The following CORIN variants were observed in gnomAD, a reference collection of about 807,000 sequenced individuals.
CORIN encodes atrial natriuretic peptide-converting enzyme.
Under a neutral mutation model 125.3 loss-of-function variants are expected in CORIN, and 117 were observed. The observed-to-expected ratio is 0.93, with a 90% CI of 0.80 to 1.09. The LOEUF is 1.09. Ranked by LOEUF, CORIN falls within the 50% of genes least tolerant of loss-of-function variation. The pLI, the probability that CORIN is intolerant of heterozygous loss-of-function variation, is 0.00. For missense variants in CORIN, 1,253 were observed against 1,306.7 expected (o/e 0.96, Z 0.63); for synonymous variants, 450 against 466.4 (o/e 0.96, Z 0.45).
intron 4 of CORIN, among the ~76,000 whole-genome samples, chr4:47,756,570 A>G (rs561863579): frequency 6.6e-6 from 1 of 152,356 alleles, no homozygotes; most frequent in East Asian, 1.9e-4. Flanking sequence ...TATACTATGG[A>G]AAATTGAGTA....
intron 20 of CORIN, among the ~76,000 whole-genome samples, chr4:47,600,943 C>G (rs527241865): frequency 3.3e-5 from 5 of 152,332 alleles, no homozygotes; most frequent in Admixed American, 6.5e-5. Context: ...TGAATTCCAT[C>G]TTGCTTAAAA....
intron 16 of CORIN, among the ~76,000 whole-genome samples, chr4:47,627,078 G>A (rs1003182001): frequency 1.3e-5 from 2 of 151,946 alleles, no homozygotes; most frequent in African/African-American, 4.8e-5. Flanking sequence ...CTGCCTCAGG[G>A]TTCAAGTGCT....
rs1353135680 is a variant in CORIN, at chr4:47,665,177, G to C, written c.1444C>G (p.Gln482Glu). 6.2e-7 allele frequency: 1 copy of C among 1,613,996 alleles called. No individual in the cohort carries two copies. Among genetic ancestry groups the C allele is most frequent in the Non-Finnish European group, 8.5e-7 (1 of 1,179,900 alleles). The part of the protein sequence containing the change: ...SYPNYFGHRT[Q>E]KEASISWESS... ...TCCCAGCTGATGGATGCTTCCTTTT[G>C]AGTCCTGTGGCCAAAATAATTTGGA... Residue 482 changes from glutamine (Q) to glutamate (E), a missense_variant, in exon 11 of 22, where the codon CAA becomes GAA. Transcript: ENST00000273857.
chr4:47,704,957 CT>C (rs1726481400), intron 5 of CORIN, among the ~76,000 whole-genome samples: 1 of 152,204 alleles, frequency 6.6e-6, no homozygotes, highest in Admixed American at 6.5e-5. Flanking sequence ...AGAATTCAGC[CT>C]GATCCCCTCA....
chr4:47,751,544 GC>G (rs1204611348), intron 4 of CORIN, among the ~76,000 whole-genome samples: 4 of 151,910 alleles, frequency 2.6e-5, no homozygotes, highest in African/African-American at 9.7e-5. Context: ...CATCTGAATT[GC>G]CTTTTTACCC....
At chr4:47,678,578 T>G (rs1467960909) in intron 8 of CORIN, among the ~76,000 whole-genome samples, 1 of 152,180 alleles carries the variant, frequency 6.6e-6, no homozygotes, top group Admixed American at 6.5e-5. Flanking sequence ...AAATAGTATA[T>G]GGGAAAGAAC....
chr4:47,705,411 AAG>A (rs1273983577), intron 5 of CORIN, among the ~76,000 whole-genome samples: 2 of 152,232 alleles, frequency 1.3e-5, no homozygotes, highest in African/African-American at 2.4e-5. Context: ...AAGGACCCAG[AAG>A]AGTGACAAGT....
chr4:47,708,061 A>T (rs1366783117), intron 5 of CORIN, among the ~76,000 whole-genome samples: 1 of 152,214 alleles, frequency 6.6e-6, no homozygotes, highest in East Asian at 1.9e-4. Flanking sequence ...TAGGTGGTGG[A>T]GCTACATATC....
At chr4:47,604,398 C>T (rs1721566216) in intron 19 of CORIN, among the ~76,000 whole-genome samples, 1 of 152,150 alleles carries the variant, frequency 6.6e-6, no homozygotes, top group African/African-American at 2.4e-5. Flanking sequence ...GGTTTTAAAT[C>T]CCACCATACG....
chr4:47,747,252 C>A (rs964797175), intron 4 of CORIN, among the ~76,000 whole-genome samples: 2 of 151,996 alleles, frequency 1.3e-5, no homozygotes, highest in African/African-American at 4.8e-5. Context: ...ATGAAAAAAA[C>A]ACAGAATAAT....
At chr4:47,816,997 G>C (rs1487529903) in intron 1 of CORIN, among the ~76,000 whole-genome samples, 5 of 152,138 alleles carry the variant, frequency 3.3e-5, no homozygotes, top group African/African-American at 9.7e-5. Context: ...TGGTCAGCTT[G>C]ACTCTCTGGA....
intron 13 of CORIN, among the ~76,000 whole-genome samples, chr4:47,651,429 T>C (rs767371831): frequency 2.0e-5 from 3 of 152,252 alleles, no homozygotes; most frequent in Non-Finnish European, 4.4e-5. Flanking sequence ...TGACTTCCTA[T>C]TAGTCCTCTG....
chr4:47,732,831 G>A (rs1398244972), intron 5 of CORIN, among the ~76,000 whole-genome samples: 1 of 152,056 alleles, frequency 6.6e-6, no homozygotes, highest in Non-Finnish European at 1.5e-5. Flanking sequence ...CCAAAGTGCT[G>A]GGATTACAGG....
chr4:47,624,990 A>G (rs1275037798), intron 17 of CORIN, among the ~76,000 whole-genome samples: 2 of 152,122 alleles, frequency 1.3e-5, no homozygotes, highest in Admixed American at 6.6e-5. Flanking sequence ...TTATTTGCAT[A>G]CAATAAATTA....
intron 2 of CORIN, among the ~76,000 whole-genome samples, chr4:47,789,031 A>G (rs1280111406): frequency 6.6e-6 from 1 of 152,208 alleles, no homozygotes; most frequent in African/African-American, 2.4e-5. Flanking sequence ...GGCTGGGCAC[A>G]GAGACTCATG....
intron 13 of CORIN, among the ~76,000 whole-genome samples, chr4:47,653,281 T>C (rs6447576): frequency 0.63 from 96,496 of 152,018 alleles, 31,799 homozygotes; most frequent in African/African-American, 0.8. Flanking sequence ...TGGTTTCAGG[T>C]ATCCACTGGG....
intron 12 of CORIN, among the ~76,000 whole-genome samples, chr4:47,654,830 G>A (rs188049781): frequency 1.1e-3 from 169 of 152,162 alleles, no homozygotes; most frequent in South Asian, 6.0e-3. Context: ...AGTGCATGCC[G>A]CAGAGTGGCC....
intron 1 of CORIN, among the ~76,000 whole-genome samples, chr4:47,824,546 T>C (rs1348755356): frequency 6.6e-6 from 1 of 152,160 alleles, no homozygotes; most frequent in African/African-American, 2.4e-5. Context: ...GGTCTTAAAC[T>C]CCTGGCCTCA....
intron 20 of CORIN, 37 bp from the exon 21 acceptor site, chr4:47,600,384 T>C: frequency 6.6e-7 from 1 of 1,506,174 alleles, no homozygotes; most frequent in Non-Finnish European, 9.0e-7. Flanking sequence ...TATATGATGA[T>C]AAAATGACTC....
Sources: gnomAD v4.1 joint callset for allele counts (sites outside exome capture counted in the v4.1 genomes callset) on GRCh38, gnomAD v4.1.1 for gene constraint, MANE v1.5 for transcripts, NCBI Gene and HGNC (gene_info 2026-07-23, HGNC 2026-07-21) for gene names.